Variants in ZCRB1 observed in about 807,000 individuals in gnomAD.
ZCRB1 encodes zinc finger CCHC-type and RNA-binding motif-containing protein 1.
A neutral mutation model predicts 29.9 loss-of-function variants in ZCRB1; 21 were observed. The ratio of observed to expected loss-of-function variants is 0.70; its 90% CI spans 0.50 to 1.01. ZCRB1 has a LOEUF of 1.01. Among genes scored for constraint, ZCRB1 ranks in the 50% least tolerant of loss-of-function variants. ZCRB1 has a pLI of 0.00. For synonymous variants in ZCRB1, 77 were observed against 80.0 expected (o/e 0.96, Z 0.20); for missense variants, 204 against 253.3 (o/e 0.81, Z 1.32).
intron 2 of ZCRB1, 83 bp downstream of exon 2, chr12:42,323,936 G>T: frequency 3.2e-6 from 4 of 1,234,114 alleles, no homozygotes; most frequent in South Asian, 1.3e-5. Flanking sequence ...AAAAAAAAAA[G>T]GAAAAAAGAA....
Position 42,316,639 on chromosome 12 carries a change from AACACAATATCCCAT to A in ZCRB1, c.333+687_333+700del, listed in dbSNP as rs529869367. Among the ~76,000 whole-genome samples the A allele has an allele frequency of 5.3e-3, 808 of 152,338 alleles. 6 individuals carry two copies. The highest frequency in any genetic ancestry group is 0.018 in the African/African-American group (761 of 41,574). On this transcript the variant is annotated intron_variant, in intron 5 of 7. Transcript: ENST00000266529. ...AATAGGAAAAAATAAAAAACTTCAA[AACACAATATCCCAT>A]AGAGGATAAAGTCACATGATAATGT...
chr12:42,325,643 CTA>C (rs904824514), intron 1 of ZCRB1: 4 of 152,182 alleles, frequency 2.6e-5, no homozygotes, highest in African/African-American at 9.7e-5. Flanking sequence ...AATACTGACT[CTA>C]TGGCATGCCA....
rs898946599 is a variant in ZCRB1 at position 42,323,264 on chromosome 12, A to G, written c.84+755T>C. 2.6e-5 allele frequency among the ~76,000 whole-genome samples: 4 copies of G among 152,224 alleles called. No individual in the cohort carries two copies. In the East Asian group the frequency reaches 5.8e-4, roughly 22 times the overall value. ...TCTGAAGGCCAGTACAGTCTTCTATATAATACTTACTAATGGCTTCTTGTT... is the reference window on the plus strand; with the variant it reads ...TCTGAAGGCCAGTACAGTCTTCTATGTAATACTTACTAATGGCTTCTTGTT... On this transcript the variant is annotated intron_variant, in intron 2 of 7. Transcript: ENST00000266529.
In ZCRB1 at chr12:42,312,192, A is replaced by C. The variant is rs1165627113; in HGVS notation, c.*875T>G. ...ATTGCTTTTACTAGTTAAAAAAGTA[A>C]TGGGCATTCTTACAAAGTTAAACAA... On this transcript the variant is annotated 3_prime_UTR_variant, in exon 8 of 8. Coordinates refer to ENST00000266529, the MANE Select transcript of ZCRB1 (RefSeq NM_033114.4). 2.0e-5 allele frequency: 3 copies of C among 152,178 alleles called. No homozygotes were observed. The highest frequency in any genetic ancestry group is 1.5e-5 in the Non-Finnish European group (1 of 68,032). 9.4% of individuals were successfully genotyped at this position (152,178 alleles called of 1,614,324 possible).
intron 3 of ZCRB1, among the ~76,000 whole-genome samples, chr12:42,318,657 GGA>G (rs1301560714): frequency 6.6e-6 from 1 of 152,146 alleles, no homozygotes; most frequent in Non-Finnish European, 1.5e-5. Flanking sequence ...AGGGCTCTTT[GGA>G]GAAATAGCGG....
intron 5 of ZCRB1, among the ~76,000 whole-genome samples, chr12:42,316,292 G>T (rs1464441188): frequency 1.3e-5 from 2 of 151,828 alleles, no homozygotes; most frequent in Non-Finnish European, 2.9e-5. Flanking sequence ...TAGAAACTCA[G>T]TTTCACTATG....
chr12:42,322,580 T>G, intron 2 of ZCRB1, 134 bp from the exon 3 acceptor site: 1 of 903,348 alleles, frequency 1.1e-6, no homozygotes, highest in Non-Finnish European at 1.5e-6. Flanking sequence ...AGACAGGCCC[T>G]AGGAAAAAGT....
At chr12:42,318,403 G>A (rs2068605267) in intron 3 of ZCRB1, among the ~76,000 whole-genome samples, 2 of 152,154 alleles carry the variant, frequency 1.3e-5, no homozygotes, top group South Asian at 4.1e-4. Flanking sequence ...GCAGAGGCAG[G>A]AGGATGCTTG....
intron 5 of ZCRB1, among the ~76,000 whole-genome samples, chr12:42,316,059 C>T (rs2068593155): frequency 1.3e-5 from 2 of 152,106 alleles, no homozygotes; most frequent in Admixed American, 1.3e-4. Context: ...TTCCCCATTA[C>T]TACCTCTGGA....
chr12:42,318,717 T>C (rs1192748478), intron 3 of ZCRB1, among the ~76,000 whole-genome samples: 1 of 152,082 alleles, frequency 6.6e-6, no homozygotes, highest in Non-Finnish European at 1.5e-5. Context: ...TGGAACATCT[T>C]ATGCCAGAAG....
At chr12:42,317,063 C>T (rs894465357) in intron 5 of ZCRB1, among the ~76,000 whole-genome samples, 1 of 152,070 alleles carries the variant, frequency 6.6e-6, no homozygotes, top group Non-Finnish European at 1.5e-5. Flanking sequence ...TAAAAATTAA[C>T]CAGGGTGTGA....
At chr12:42,317,301 A>T (rs757881669) in intron 5 of ZCRB1, 39 bp downstream of exon 5, 21 of 1,468,850 alleles carry the variant, frequency 1.4e-5, no homozygotes, top group Non-Finnish European at 1.9e-5. Context: ...AAAGTATCTT[A>T]AACTATGGAA....
At chr12:42,323,263 T>C (rs1250639634) in intron 2 of ZCRB1, among the ~76,000 whole-genome samples, 3 of 152,224 alleles carry the variant, frequency 2.0e-5, no homozygotes, top group South Asian at 4.1e-4. Context: ...CAGTCTTCTA[T>C]ATAATACTTA....
At chr12:42,321,889 T>C (rs2068623365) in intron 3 of ZCRB1, among the ~76,000 whole-genome samples, 1 of 152,188 alleles carries the variant, frequency 6.6e-6, no homozygotes, top group African/African-American at 2.4e-5. Context: ...CTCAGCCCTG[T>C]TATCATCCAT....
rs1388397888 is a variant in ZCRB1, at chr12:42,312,411, T to C, written c.*656A>G. On this transcript the variant is annotated 3_prime_UTR_variant, in exon 8 of 8. Transcript: ENST00000266529. Reference sequence around the variant, plus strand: ...TCAGAAATGAAAAGTATTTACTTGGTTATTAAAAAAGATATATATGGATTC... The same window carrying C: ...TCAGAAATGAAAAGTATTTACTTGGCTATTAAAAAAGATATATATGGATTC... 1 of 152,186 alleles carries C rather than the reference T, an allele frequency of 6.6e-6. No individual in the cohort carries two copies. The highest frequency in any genetic ancestry group is 1.5e-5 in the Non-Finnish European group (1 of 68,004). The allele number at this position is 152,186 out of a possible 1,614,324, so 9.4% of individuals were successfully genotyped here. A position where few individuals can be genotyped will look rare whatever the true frequency, so the allele number is the denominator to read the frequency against.
intron 3 of ZCRB1, among the ~76,000 whole-genome samples, chr12:42,322,064 CTATT>C (rs1308192882): frequency 6.6e-6 from 1 of 152,032 alleles, no homozygotes. Context: ...AAAAAACCAC[CTATT>C]TATTTGAAAG....
Position 42,324,051 on chromosome 12 carries a change from G to A in ZCRB1, c.52C>T (p.Pro18Ser), listed in dbSNP as rs1162080686. The change falls in exon 2 of 8, where the codon CCT becomes TCT. Residue 18 changes from proline (P) to serine (S), a missense_variant. Transcript: ENST00000266529. ...AAGTCATTGTTTGTCAGGGAAAAAG[G>A]CAAGTTGGATACATACACTGTGCTC... ...SKSTVYVSNLPFSLTNNDLYR... is the reference protein window; with the variant it reads ...SKSTVYVSNLSFSLTNNDLYR... The A allele has an allele frequency of 6.2e-7, 1 of 1,614,160 alleles. No individual in the cohort carries two copies.
At chr12:42,324,968 C>T (rs1358303289) in intron 1 of ZCRB1, among the ~76,000 whole-genome samples, 1 of 152,166 alleles carries the variant, frequency 6.6e-6, no homozygotes, top group African/African-American at 2.4e-5. Flanking sequence ...CTGAGTGTTA[C>T]GTGATTTCAC....
At position 42,317,801 on chromosome 12, in the gene ZCRB1, T is replaced by C. The variant is rs777361182; in HGVS notation, c.211A>G (p.Ile71Val). 8 of 1,612,956 alleles carry C rather than the reference T, an allele frequency of 5.0e-6. No homozygotes were observed. The highest frequency in any genetic ancestry group is 6.8e-6 in the Non-Finnish European group (8 of 1,179,834). The stretch of plus-strand genomic sequence containing the variant: ...GAATAGCTTACCTGTTTGTTGTTTA[T>C]TGCCCTGGTACAGTTTTGTGCAGAG... ...KDSAQNCTRA[I>V]NNKQLFGRVI... The change falls in exon 4 of 8, where the codon ATA (isoleucine) becomes GTA (valine). Residue 71 changes from isoleucine to valine, a missense_variant. Ile to Val is a conservative substitution (Grantham distance 29). Transcript: ENST00000266529.
Sources: gnomAD v4.1 joint callset for allele counts (sites outside exome capture counted in the v4.1 genomes callset) on GRCh38, gnomAD v4.1.1 for gene constraint, MANE v1.5 for transcripts, NCBI Gene and HGNC (gene_info 2026-07-23, HGNC 2026-07-21) for gene names.